CAMKMT: variants seen among roughly 807,000 people sequenced by gnomAD.
The protein encoded by CAMKMT is CaM KMT.
In CAMKMT, 53 loss-of-function variants were observed where a neutral mutation model predicts 48.0. The observed-to-expected ratio is 1.10, with a 90% CI of 0.89 to 1.39. The LOEUF (loss-of-function observed/expected upper bound fraction) is 1.39. CAMKMT is among the 40% of genes most tolerant of loss of function. The probability of loss-of-function intolerance (pLI) is 0.00; values close to 1 mark genes in which losing one functional copy is unlikely to be tolerated. For missense variants in CAMKMT, 428 were observed against 402.7 expected, an observed-to-expected ratio of 1.06 and a Z score of -0.54; for synonymous variants, 165 against 152.3, an observed-to-expected ratio of 1.08 and a Z score of -0.61.
intron 7 of CAMKMT, among the ~76,000 whole-genome samples, chr2:44,723,345 C>A (rs956578989): frequency 4.6e-5 from 7 of 152,236 alleles, no homozygotes; most frequent in African/African-American, 1.7e-4. Flanking sequence ...GTAGTCCCAG[C>A]ACTTTGGGAG....
chr2:44,444,011 G>A (rs770401506), intron 3 of CAMKMT, among the ~76,000 whole-genome samples: 3 of 152,200 alleles, frequency 2.0e-5, no homozygotes, highest in Non-Finnish European at 4.4e-5. Context: ...AGAAGGGTAT[G>A]CTGGAAAAAT....
At chr2:44,451,053 A>C (rs1667261463) in intron 3 of CAMKMT, among the ~76,000 whole-genome samples, 1 of 152,150 alleles carries the variant, frequency 6.6e-6, no homozygotes, top group South Asian at 2.1e-4. Context: ...TAGAGGCTAA[A>C]CTAGTTTTCT....
chr2:44,386,861 C>T (rs865780323), intron 2 of CAMKMT, among the ~76,000 whole-genome samples: 3 of 152,064 alleles, frequency 2.0e-5, no homozygotes, highest in African/African-American at 7.2e-5. Flanking sequence ...CACTTTTATT[C>T]CACCATGGTC....
intron 3 of CAMKMT, among the ~76,000 whole-genome samples, chr2:44,409,067 T>C: frequency 7.2e-6 from 1 of 138,678 alleles, no homozygotes; most frequent in African/African-American, 2.6e-5. Flanking sequence ...AATTTTTAGT[T>C]GTTATTTCAG....
At chr2:44,476,339 T>G (rs1021908403) in intron 3 of CAMKMT, among the ~76,000 whole-genome samples, 2 of 152,136 alleles carry the variant, frequency 1.3e-5, no homozygotes, top group Admixed American at 6.5e-5. Context: ...AAGATCCCAC[T>G]CATTATCAAT....
intron 10 of CAMKMT, among the ~76,000 whole-genome samples, chr2:44,767,074 A>G (rs1373977890): frequency 6.6e-6 from 1 of 152,220 alleles, no homozygotes. Flanking sequence ...TGGAGGCACT[A>G]CAAGATTTAG....
intron 10 of CAMKMT, among the ~76,000 whole-genome samples, chr2:44,769,930 G>A (rs1050133376): frequency 3.3e-5 from 5 of 152,208 alleles, no homozygotes; most frequent in African/African-American, 1.2e-4. Flanking sequence ...GTAAGGCTGA[G>A]CGTGTTACAT....
At chr2:44,525,532 G>A (rs1179852525) in intron 3 of CAMKMT, among the ~76,000 whole-genome samples, 1 of 152,174 alleles carries the variant, frequency 6.6e-6, no homozygotes, top group African/African-American at 2.4e-5. Flanking sequence ...GGGATTACAG[G>A]CGTGAGCCAC....
chr2:44,430,698 T>A (rs969666983), intron 3 of CAMKMT, among the ~76,000 whole-genome samples: 1 of 152,154 alleles, frequency 6.6e-6, no homozygotes, highest in Non-Finnish European at 1.5e-5. Context: ...AAATGCTGGA[T>A]AAATAAGAGT....
intron 3 of CAMKMT, among the ~76,000 whole-genome samples, chr2:44,420,848 G>T (rs932425232): frequency 6.6e-5 from 10 of 151,098 alleles, no homozygotes; most frequent in Admixed American, 5.9e-4. Flanking sequence ...CCCCCCTTGG[G>T]TAATTTTTTT....
chr2:44,758,836 G>T (rs1680490984), intron 9 of CAMKMT, among the ~76,000 whole-genome samples: 1 of 152,170 alleles, frequency 6.6e-6, no homozygotes, highest in Non-Finnish European at 1.5e-5. Flanking sequence ...GTCCAGAAAT[G>T]ACAACCAACA....
rs183526948 is a variant in CAMKMT at position 44,492,119 on chromosome 2, C to G, written c.376+101814C>G. Among the ~76,000 whole-genome samples, 6 of 151,926 alleles carry G rather than the reference C, an allele frequency of 3.9e-5. No homozygotes were observed. The East Asian group carries it at 1.2e-3, about 29-fold the overall frequency. ...AAAAAGGCAGGGGTTGAACATAAAT[C>G]TCAGAGACTGTATGAGGATTAATGA... On this transcript the variant is annotated intron_variant, in intron 3 of 10. Transcript: ENST00000378494.
chr2:44,388,765 A>G (rs938205690), intron 2 of CAMKMT, among the ~76,000 whole-genome samples: 2 of 152,094 alleles, frequency 1.3e-5, no homozygotes, highest in African/African-American at 4.8e-5. Context: ...AACTGCTGTG[A>G]TGTCTCTCCT....
intron 3 of CAMKMT, among the ~76,000 whole-genome samples, chr2:44,445,838 A>G (rs906701042): frequency 6.6e-6 from 1 of 151,840 alleles, no homozygotes; most frequent in Non-Finnish European, 1.5e-5. Context: ...CTTTCAGACC[A>G]TCAAACTCCA....
intron 3 of CAMKMT, among the ~76,000 whole-genome samples, chr2:44,510,341 C>G (rs1425313156): frequency 6.6e-6 from 1 of 152,144 alleles, no homozygotes; most frequent in Non-Finnish European, 1.5e-5. Context: ...CATCTGATGT[C>G]TTCTCATGAT....
At chr2:44,639,926 G>C (rs1339657577) in intron 3 of CAMKMT, among the ~76,000 whole-genome samples, 1 of 152,182 alleles carries the variant, frequency 6.6e-6, no homozygotes, top group African/African-American at 2.4e-5. Context: ...AGCTACCCTT[G>C]ACCCCATCTT....
chr2:44,632,000 C>A (rs1672860344), intron 3 of CAMKMT, among the ~76,000 whole-genome samples: 1 of 152,102 alleles, frequency 6.6e-6, no homozygotes, highest in Admixed American at 6.6e-5. Flanking sequence ...CTCCTTTATG[C>A]TGTTATCGTA....
intron 3 of CAMKMT, among the ~76,000 whole-genome samples, chr2:44,677,873 G>A (rs1675802493): frequency 6.6e-6 from 1 of 152,140 alleles, no homozygotes; most frequent in African/African-American, 2.4e-5. Context: ...ACACAAGTGT[G>A]TGTGAGAGTC....
chr2:44,740,561 A>C (rs1679621963), intron 7 of CAMKMT, among the ~76,000 whole-genome samples: 1 of 152,208 alleles, frequency 6.6e-6, no homozygotes, highest in South Asian at 2.1e-4. Flanking sequence ...GTGGGAAACT[A>C]AATGGACAAA....
Sources: allele counts gnomAD v4.1 joint callset (sites outside exome capture counted in the v4.1 genomes callset), GRCh38; gene constraint gnomAD v4.1.1; transcripts MANE v1.5; gene names NCBI Gene and HGNC (gene_info 2026-07-23, HGNC 2026-07-21).